Variants in PAPSS1 observed in about 807,000 individuals in gnomAD.
PAPSS1 encodes 3'-phosphoadenosine 5'-phosphosulfate synthase 1.
In PAPSS1, 50 loss-of-function variants were observed where a neutral mutation model predicts 72.0. The ratio of observed to expected loss-of-function variants is 0.69; its 90% CI spans 0.55 to 0.88. PAPSS1 has a LOEUF of 0.88. PAPSS1 is among the 40% of genes least tolerant of loss of function. PAPSS1 has a pLI of 0.00. For missense variants in PAPSS1, 657 were observed against 782.2 expected (o/e 0.84, Z 1.91); for synonymous variants, 261 against 263.6 (o/e 0.99, Z 0.09).
At chr4:107,648,265 T>C (rs928289355) in intron 9 of PAPSS1, among the ~76,000 whole-genome samples, 1 of 152,148 alleles carries the variant, frequency 6.6e-6, no homozygotes, top group Non-Finnish European at 1.5e-5. Context: ...GAAATGAAGA[T>C]ATCAGCATTC....
At chr4:107,626,388 T>C (rs560447577) in intron 11 of PAPSS1, among the ~76,000 whole-genome samples, 39 of 152,222 alleles carry the variant, frequency 2.6e-4, no homozygotes, top group African/African-American at 9.4e-4. Flanking sequence ...TACCCTAATA[T>C]AAAGACTTAC....
chr4:107,614,552 A>AAAC (rs1553917628), intron 11 of PAPSS1, among the ~76,000 whole-genome samples, 165 bp from the exon 12 acceptor site: 19 of 151,698 alleles, frequency 1.3e-4, no homozygotes, highest in Non-Finnish European at 8.8e-5. Flanking sequence ...CTGAACAAAA[A>AAAC]ACCACTATTG....
intron 1 of PAPSS1, among the ~76,000 whole-genome samples, chr4:107,714,696 C>T (rs1030058997): frequency 2.6e-5 from 4 of 152,070 alleles, no homozygotes; most frequent in African/African-American, 9.7e-5. Flanking sequence ...GAAGAATTAT[C>T]CCCCTCCATA....
intron 1 of PAPSS1, chr4:107,719,822 G>A (rs1022170122): frequency 1.6e-6 from 2 of 1,269,518 alleles, no homozygotes; most frequent in East Asian, 4.0e-5. Context: ...CACGGGTGAA[G>A]GATTTTCCTG....
At chr4:107,614,449 C>G in intron 11 of PAPSS1, 62 bp from the exon 12 acceptor site, 1 of 1,330,426 alleles carries the variant, frequency 7.5e-7, no homozygotes, top group Non-Finnish European at 1.1e-6. Flanking sequence ...TTTTAAAAAG[C>G]ATTTGTTCCT....
chr4:107,647,615 G>A (rs542025377), intron 9 of PAPSS1, among the ~76,000 whole-genome samples: 3 of 152,108 alleles, frequency 2.0e-5, no homozygotes, highest in African/African-American at 7.2e-5. Context: ...ATCCATAAAC[G>A]CACTGTCCTG....
At chr4:107,714,892 C>T (rs909916849) in intron 1 of PAPSS1, among the ~76,000 whole-genome samples, 3 of 152,166 alleles carry the variant, frequency 2.0e-5, no homozygotes, top group African/African-American at 7.2e-5. Flanking sequence ...GAGGCTAATA[C>T]TGCTGGACAT....
chr4:107,708,230 C>T (rs183114354), intron 1 of PAPSS1, among the ~76,000 whole-genome samples: 11 of 152,162 alleles, frequency 7.2e-5, no homozygotes, highest in Admixed American at 4.6e-4. Flanking sequence ...ACTGATGAAG[C>T]AAATACAACT....
intron 5 of PAPSS1, among the ~76,000 whole-genome samples, chr4:107,674,162 G>C (rs1337204602): frequency 3.3e-5 from 5 of 152,144 alleles, no homozygotes. Context: ...CATAATGACA[G>C]GATCAAATTC....
At chr4:107,698,914 G>C (rs1723139591) in intron 2 of PAPSS1, among the ~76,000 whole-genome samples, 1 of 151,956 alleles carries the variant, frequency 6.6e-6, no homozygotes, top group Non-Finnish European at 1.5e-5. Context: ...AACCTGCTGA[G>C]GTTTTATTGG....
chr4:107,628,065 A>G (rs1160724827), intron 11 of PAPSS1, among the ~76,000 whole-genome samples: 1 of 152,180 alleles, frequency 6.6e-6, no homozygotes, highest in Non-Finnish European at 1.5e-5. Context: ...TTCAGAAAAT[A>G]TAAACTAGAA....
At chr4:107,655,557 A>G (rs1260735236) in intron 7 of PAPSS1, among the ~76,000 whole-genome samples, 1 of 152,208 alleles carries the variant, frequency 6.6e-6, no homozygotes, top group Non-Finnish European at 1.5e-5. Flanking sequence ...TGCAAGCTAT[A>G]AAAATCTTTT....
intron 1 of PAPSS1, among the ~76,000 whole-genome samples, chr4:107,705,485 G>A (rs955116001): frequency 3.9e-5 from 6 of 152,228 alleles, no homozygotes; most frequent in African/African-American, 1.4e-4. Context: ...AAGTTTCCTG[G>A]GGCGTCCCCA....
chr4:107,635,871 G>C (rs1726364129), intron 10 of PAPSS1, among the ~76,000 whole-genome samples: 1 of 152,146 alleles, frequency 6.6e-6, no homozygotes, highest in African/African-American at 2.4e-5. Context: ...TTTTCTGGAA[G>C]CTGTGGTGTT....
At chr4:107,620,924 G>C (rs772241461) in intron 11 of PAPSS1, among the ~76,000 whole-genome samples, 3 of 152,224 alleles carry the variant, frequency 2.0e-5, no homozygotes, top group Non-Finnish European at 2.9e-5. Context: ...AAGACATATA[G>C]CTTTACAGTT....
chr4:107,708,800 C>G (rs1293180967), intron 1 of PAPSS1, among the ~76,000 whole-genome samples: 1 of 152,114 alleles, frequency 6.6e-6, no homozygotes, highest in Non-Finnish European at 1.5e-5. Context: ...TCAAGTTAAG[C>G]CTAAAGCTAC....
Position 107,621,608 on chromosome 4 carries a change from C to CTTTTTTTTTTTTTT in PAPSS1, c.1737-7235_1737-7222dup, listed in dbSNP as rs10670438. On this transcript the variant is annotated intron_variant, in intron 11 of 11. Coordinates refer to ENST00000265174, the MANE Select transcript of PAPSS1 (RefSeq NM_005443.5). ...CTTTCTAGGAAGACAGGTTTTTTAT[C>CTTTTTTTTTTTTTT]TTTTTTTTTTTTTTTTTTTTTTTTT... is the stretch of plus-strand genomic sequence containing the variant. Among the ~76,000 whole-genome samples, 234 of 48,154 alleles carry CTTTTTTTTTTTTTT rather than the reference C, an allele frequency of 4.9e-3. 47 individuals are homozygous for CTTTTTTTTTTTTTT. Among genetic ancestry groups the CTTTTTTTTTTTTTT allele is most frequent in the Non-Finnish European group, 5.3e-3 (136 of 25,742 alleles). 31.6% of individuals were successfully genotyped at this position (48,154 alleles called of 152,430 possible). A position where few individuals can be genotyped will look rare whatever the true frequency, so the allele number is the denominator to read the frequency against.
chr4:107,646,310 TACACACACAC>T (rs770278061), intron 9 of PAPSS1, among the ~76,000 whole-genome samples: 5 of 99,990 alleles, frequency 5.0e-5, no homozygotes, highest in Admixed American at 3.3e-4. Flanking sequence ...TATATATATA[TACACACACAC>T]ACACACATAC....
At position 107,617,398 on chromosome 4, in the gene PAPSS1, C is replaced by A. The variant is rs182728401; in HGVS notation, c.1737-3011G>T. On this transcript the variant is annotated intron_variant, in intron 11 of 11. Transcript: ENST00000265174. ...TCCCAGTGAGGAACCAGGATTTTAACAAATGTTCCACTCCCCTTTGAAACA... is the reference window on the plus strand; with the variant it reads ...TCCCAGTGAGGAACCAGGATTTTAAAAAATGTTCCACTCCCCTTTGAAACA... Among the ~76,000 whole-genome samples the A allele has an allele frequency of 1.1e-3, 167 of 152,144 alleles. 2 individuals carry two copies. Among genetic ancestry groups the A allele is most frequent in the African/African-American group, 3.8e-3 (158 of 41,506 alleles).
Sources: gnomAD v4.1 joint callset for allele counts (sites outside exome capture counted in the v4.1 genomes callset) on GRCh38, gnomAD v4.1.1 for gene constraint, MANE v1.5 for transcripts, NCBI Gene and HGNC (gene_info 2026-07-23, HGNC 2026-07-21) for gene names.